Variants in ADGRL3 observed in about 807,000 individuals in gnomAD.
ADGRL3 encodes adhesion G protein-coupled receptor L3.
Under a neutral mutation model 153.5 loss-of-function variants are expected in ADGRL3, and 62 were observed. The ratio of observed to expected loss-of-function variants is 0.40; its 90% CI spans 0.33 to 0.50. The LOEUF (loss-of-function observed/expected upper bound fraction) is 0.50. ADGRL3 is among the 20% of genes least tolerant of loss of function. The probability of loss-of-function intolerance (pLI) is 0.47; values close to 1 mark genes in which losing one functional copy is unlikely to be tolerated. For missense variants in ADGRL3, 1,641 were observed against 1,859.4 expected (o/e 0.88, Z 2.16); for synonymous variants, 710 against 672.5 (o/e 1.06, Z -0.86).
intron 2 of ADGRL3, among the ~76,000 whole-genome samples, chr4:61,440,281 CTCATGATCCGCCT>C (rs2097512303): frequency 6.6e-6 from 1 of 152,158 alleles, no homozygotes; most frequent in South Asian, 2.1e-4. Context: ...AACTCCTGAC[CTCATGATCCGCCT>C]GCCTTGGCCT....
At chr4:61,241,989 C>G (rs1306843485) in intron 1 of ADGRL3, among the ~76,000 whole-genome samples, 1 of 152,034 alleles carries the variant, frequency 6.6e-6, no homozygotes, top group African/African-American at 2.4e-5. Flanking sequence ...ACCCCAGGTG[C>G]TATGGCTTCT....
In ADGRL3 at chr4:61,326,592, C is replaced by T. The variant is rs548699216; in HGVS notation, c.-239-56532C>T. ...ATTGGTCTCCAGCTAGCCAGTTATG[C>T]CAGATAATGTGTGTGTGTGTGTGTG... On this transcript the variant is annotated intron_variant, in intron 1 of 26. Coordinates refer to ENST00000683033, the MANE Select transcript of ADGRL3 (RefSeq NM_001387552.1). Among the ~76,000 whole-genome samples the T allele has an allele frequency of 8.9e-5, 12 of 134,100 alleles. No individual in the cohort carries two copies. The South Asian group carries it at 2.9e-3, about 32-fold the overall frequency. 88.0% of individuals were successfully genotyped at this position (134,100 alleles called of 152,430 possible). A position where few individuals can be genotyped will look rare whatever the true frequency, so the allele number is the denominator to read the frequency against.
chr4:61,466,916 G>A (rs2097891615), intron 2 of ADGRL3, among the ~76,000 whole-genome samples: 1 of 151,682 alleles, frequency 6.6e-6, no homozygotes, highest in South Asian at 2.1e-4. Context: ...TAAAACTATT[G>A]TTAAGATTTA....
At chr4:61,254,367 T>C (rs988862583) in intron 1 of ADGRL3, among the ~76,000 whole-genome samples, 2 of 152,174 alleles carry the variant, frequency 1.3e-5, no homozygotes, top group Non-Finnish European at 2.9e-5. Context: ...CATTATTTTT[T>C]AAGAAACTAT....
At position 62,074,530 on chromosome 4, in the gene ADGRL3, C is replaced by T. The variant is rs924586790; in HGVS notation, c.*3622C>T. On this transcript the variant is annotated 3_prime_UTR_variant, in exon 27 of 27. Coordinates refer to ENST00000683033, the MANE Select transcript of ADGRL3 (RefSeq NM_001387552.1). The stretch of plus-strand genomic sequence containing the variant: ...TTGGAATTAAATTTTATGGGCGTCC[C>T]TTCTTGTTTCCACTATATTATAATT... The T allele has an allele frequency of 1.7e-4, 26 of 152,220 alleles. No individual in the cohort carries two copies. Among genetic ancestry groups the T allele is most frequent in the African/African-American group, 6.3e-4 (26 of 41,546 alleles). The allele number at this position is 152,220 out of a possible 1,614,324, so 9.4% of individuals were successfully genotyped here.
At chr4:61,658,354 A>G (rs1401230515) in intron 5 of ADGRL3, among the ~76,000 whole-genome samples, 1 of 152,134 alleles carries the variant, frequency 6.6e-6, no homozygotes, top group Non-Finnish European at 1.5e-5. Flanking sequence ...TTCCTTGCTT[A>G]TAACATATTC....
intron 12 of ADGRL3, among the ~76,000 whole-genome samples, chr4:61,911,822 A>G (rs140315849): frequency 1.3e-5 from 2 of 152,120 alleles, no homozygotes; most frequent in Admixed American, 1.3e-4. Context: ...CTCCTTCAAC[A>G]ATCAAGGCTA....
intron 1 of ADGRL3, among the ~76,000 whole-genome samples, chr4:61,216,189 A>G (rs1370038667): frequency 1.3e-5 from 2 of 152,180 alleles, no homozygotes; most frequent in African/African-American, 2.4e-5. Context: ...GACGAAATAG[A>G]TTAGACTATC....
At chr4:61,414,056 T>C (rs2097119396) in intron 2 of ADGRL3, among the ~76,000 whole-genome samples, 1 of 152,218 alleles carries the variant, frequency 6.6e-6, no homozygotes, top group Non-Finnish European at 1.5e-5. Context: ...GTTTCTATTA[T>C]TGAATTAAAC....
intron 4 of ADGRL3, among the ~76,000 whole-genome samples, chr4:61,520,812 AT>A (rs774400242): frequency 9.3e-5 from 14 of 150,892 alleles, no homozygotes; most frequent in Middle Eastern, 6.8e-3. Context: ...ACACCCAGGG[AT>A]TTTTTTTTCC....
chr4:61,595,249 G>A lies in ADGRL3; in HGVS notation c.473+7809G>A, dbSNP rs553833551. ...TCTTAAACAGAAGTATTTCACCATA[G>A]CCACCACAGCTGGGAATGTGATGGG... On this transcript the variant is annotated intron_variant, in intron 5 of 26. Coordinates refer to ENST00000683033, the MANE Select transcript of ADGRL3 (RefSeq NM_001387552.1). Among the ~76,000 whole-genome samples the A allele has an allele frequency of 9.9e-4, 150 of 152,102 alleles. 3 individuals are homozygous for A. In the South Asian group the frequency reaches 0.029, roughly 29 times the overall value.
At chr4:61,352,210 T>C (rs1488533714) in intron 1 of ADGRL3, among the ~76,000 whole-genome samples, 3 of 152,142 alleles carry the variant, frequency 2.0e-5, no homozygotes, top group Non-Finnish European at 2.9e-5. Flanking sequence ...AGAATTAGAA[T>C]TACCAATGGA....
At chr4:61,862,721 C>T (rs1251975462) in intron 9 of ADGRL3, among the ~76,000 whole-genome samples, 2 of 152,136 alleles carry the variant, frequency 1.3e-5, no homozygotes, top group Admixed American at 1.3e-4. Context: ...GATTCATGGT[C>T]TCTATCCTAG....
chr4:61,301,196 T>A (rs1282055193), intron 1 of ADGRL3, among the ~76,000 whole-genome samples: 1 of 152,222 alleles, frequency 6.6e-6, no homozygotes, highest in Non-Finnish European at 1.5e-5. Flanking sequence ...TGGAAGATAC[T>A]AGTAATTAAT....
At chr4:61,979,518 G>T (rs933042478) in intron 17 of ADGRL3, 45 bp from the exon 18 acceptor site, 12 of 1,518,056 alleles carry the variant, frequency 7.9e-6, no homozygotes, top group Middle Eastern at 2.2e-4. Context: ...CTTTGTAATT[G>T]GTTATGCATA....
intron 3 of ADGRL3, among the ~76,000 whole-genome samples, chr4:61,501,776 T>TGG (rs2098389590): frequency 1.3e-5 from 2 of 152,216 alleles, no homozygotes; most frequent in Non-Finnish European, 2.9e-5. Flanking sequence ...TTGCTCTAAA[T>TGG]AGTCTGGTCC....
intron 8 of ADGRL3, among the ~76,000 whole-genome samples, chr4:61,744,968 A>C (rs555521494): frequency 6.6e-6 from 1 of 152,204 alleles, no homozygotes; most frequent in Admixed American, 6.5e-5. Flanking sequence ...AAACTTTGAA[A>C]AAAATTTAGG....
intron 21 of ADGRL3, among the ~76,000 whole-genome samples, chr4:62,021,279 C>T (rs2099236972): frequency 6.6e-6 from 1 of 152,076 alleles, no homozygotes; most frequent in Non-Finnish European, 1.5e-5. Context: ...ACACAATGGT[C>T]CTGTGAAGGA....
In ADGRL3 at chr4:61,846,637, T is replaced by G. The variant is rs555945588; in HGVS notation, c.1480+32748T>G. Among the ~76,000 whole-genome samples the G allele has an allele frequency of 9.0e-4, 137 of 152,280 alleles. 3 individuals are homozygous for G. In the South Asian group the frequency reaches 0.028, roughly 31 times the overall value. ...TGTGGTATGTTAGTCTGTTCTTGCTTTGCTCTAAAGAAATACCTGAGACTG... is the reference window on the plus strand; with the variant it reads ...TGTGGTATGTTAGTCTGTTCTTGCTGTGCTCTAAAGAAATACCTGAGACTG... On this transcript the variant is annotated intron_variant, in intron 9 of 26. Coordinates refer to ENST00000683033, the MANE Select transcript of ADGRL3 (RefSeq NM_001387552.1).
Sources: allele counts gnomAD v4.1 joint callset (sites outside exome capture counted in the v4.1 genomes callset), GRCh38; gene constraint gnomAD v4.1.1; transcripts MANE v1.5; gene names NCBI Gene and HGNC (gene_info 2026-07-23, HGNC 2026-07-21).